Variants in ROCK2 observed in about 807,000 individuals in gnomAD.
ROCK2 encodes Rho associated coiled-coil containing protein kinase 2.
ROCK2 carries 61 observed loss-of-function variants against 195.1 expected under a neutral mutation model. The ratio of observed to expected loss-of-function variants is 0.31; its 90% CI spans 0.25 to 0.39. The LOEUF (loss-of-function observed/expected upper bound fraction) is 0.39. ROCK2 is among the 10% of genes least tolerant of loss of function. The probability of loss-of-function intolerance (pLI) is 1.00; values close to 1 mark genes in which losing one functional copy is unlikely to be tolerated. For missense variants in ROCK2, 1,109 were observed against 1,637.4 expected, an observed-to-expected ratio of 0.68 and a Z score of 5.57; for synonymous variants, 504 against 545.5, an observed-to-expected ratio of 0.92 and a Z score of 1.06.
At chr2:11,293,876 G>A (rs980599305) in intron 1 of ROCK2, among the ~76,000 whole-genome samples, 9 of 152,124 alleles carry the variant, frequency 5.9e-5, no homozygotes, top group Middle Eastern at 3.4e-3. Context: ...AAGAACGTAC[G>A]GGCCAGGCGC....
intron 4 of ROCK2, among the ~76,000 whole-genome samples, chr2:11,239,269 A>C (rs540145705): frequency 1.3e-5 from 2 of 152,344 alleles, no homozygotes; most frequent in South Asian, 4.1e-4. Flanking sequence ...TAATAAAATG[A>C]GAAGATGAAC....
chr2:11,275,692 A>G (rs1666798985), intron 3 of ROCK2, among the ~76,000 whole-genome samples: 1 of 144,008 alleles, frequency 6.9e-6, no homozygotes, highest in African/African-American at 2.6e-5. Flanking sequence ...AAAATTCAAC[A>G]ATCTTTTTTT....
intron 12 of ROCK2, among the ~76,000 whole-genome samples, 155 bp downstream of exon 12, chr2:11,216,935 G>A (rs756558681): frequency 2.0e-5 from 3 of 151,666 alleles, no homozygotes; most frequent in Non-Finnish European, 2.9e-5. Flanking sequence ...TCTTGGCCAG[G>A]CTGGTCTTGA....
At chr2:11,313,399 A>C (rs1668096436) in intron 1 of ROCK2, among the ~76,000 whole-genome samples, 1 of 151,998 alleles carries the variant, frequency 6.6e-6, no homozygotes, top group South Asian at 2.1e-4. Context: ...CATATTTAAA[A>C]TATTTTTGGG....
At chr2:11,295,223 C>T (rs1007194295) in intron 1 of ROCK2, among the ~76,000 whole-genome samples, 1 of 152,110 alleles carries the variant, frequency 6.6e-6, no homozygotes, top group Non-Finnish European at 1.5e-5. Flanking sequence ...GCAATTTACA[C>T]ACCTATTATA....
At position 11,222,242 on chromosome 2, in the gene ROCK2, C is replaced by A. The variant is rs557037836; in HGVS notation, c.1008-68G>T. On this transcript the variant is annotated intron_variant, in intron 7 of 32. Coordinates refer to ENST00000315872, the MANE Select transcript of ROCK2 (RefSeq NM_004850.5). ...AATAAAAAGATTAACTCTATGTCAA[C>A]AGTTTAACCAAAATAAAGATCTCAA... The A allele has an allele frequency of 5.4e-5, 45 of 835,038 alleles. 1 individual carries two copies. In the South Asian group the frequency reaches 7.5e-4, roughly 14 times the overall value. 51.7% of individuals were successfully genotyped at this position (835,038 alleles called of 1,614,324 possible).
chr2:11,283,707 T>C (rs1353938435), intron 3 of ROCK2, among the ~76,000 whole-genome samples: 1 of 152,168 alleles, frequency 6.6e-6, no homozygotes, highest in Non-Finnish European at 1.5e-5. Flanking sequence ...GTTAAACACC[T>C]AATCAAATAA....
intron 1 of ROCK2, among the ~76,000 whole-genome samples, chr2:11,336,038 T>G (rs1192273096): frequency 3.3e-5 from 5 of 152,164 alleles, no homozygotes; most frequent in Non-Finnish European, 5.9e-5. Context: ...AAATGTTAAT[T>G]TAAACAGTGA....
chr2:11,183,967 G>GCTTA (rs71393857), intron 32 of ROCK2, among the ~76,000 whole-genome samples: 61,505 of 151,782 alleles, frequency 0.41, 13,648 homozygotes, highest in Admixed American at 0.52. Context: ...TTTGCAACTT[G>GCTTA]CTTACTTAGA....
intron 20 of ROCK2, among the ~76,000 whole-genome samples, chr2:11,202,891 G>A (rs1663913974): frequency 6.6e-6 from 1 of 152,092 alleles, no homozygotes; most frequent in Non-Finnish European, 1.5e-5. Flanking sequence ...CAGACACTGT[G>A]ATCAGCCATT....
intron 16 of ROCK2, 110 bp from the exon 17 acceptor site, chr2:11,214,573 C>G (rs1438791396): frequency 2.8e-6 from 2 of 705,914 alleles, no homozygotes; most frequent in Non-Finnish European, 4.7e-6. Context: ...TGTTTGTGAG[C>G]AGAAGTTTTA....
intron 1 of ROCK2, among the ~76,000 whole-genome samples, chr2:11,289,254 T>TACACATAAACAACATCACACACAC (rs1558363741): frequency 1.3e-5 from 2 of 152,058 alleles, no homozygotes; most frequent in African/African-American, 4.8e-5. Flanking sequence ...CCCACACACA[T>TACACATAAACAACATCACACACAC]ACACATAAAC....
intron 3 of ROCK2, among the ~76,000 whole-genome samples, chr2:11,285,123 G>A (rs1031596816): frequency 9.2e-5 from 14 of 152,120 alleles, no homozygotes; most frequent in Admixed American, 6.5e-5. Flanking sequence ...TTGGCCAGGC[G>A]TGGTGGTGCA....
intron 1 of ROCK2, among the ~76,000 whole-genome samples, chr2:11,321,790 C>T (rs1668407395): frequency 1.3e-5 from 2 of 151,996 alleles, no homozygotes; most frequent in Admixed American, 1.3e-4. Flanking sequence ...TACAGCACTC[C>T]ACGTTAAAAA....
In ROCK2 at chr2:11,198,525, T is replaced by C. The variant is rs1430323167; in HGVS notation, c.3065A>G (p.Lys1022Arg). Residue 1022 changes from lysine to arginine, a missense_variant, in exon 25 of 33, where the codon AAG (lysine) becomes AGG (arginine). Coordinates refer to ENST00000315872, the MANE Select transcript of ROCK2 (RefSeq NM_004850.5). ...GAGTGTTCTTTCTGTTAATAGCTGC[T>C]TCTCAAACTGTGCTTTAATAGCTGC... ...SAAAIKAQFE[K>R]QLLTERTLKT... 6.2e-7 allele frequency: 1 copy of C among 1,612,810 alleles called. No individual in the cohort carries two copies. Among genetic ancestry groups the C allele is most frequent in the Non-Finnish European group, 8.5e-7 (1 of 1,179,378 alleles).
chr2:11,330,090 GAAA>G, intron 1 of ROCK2, among the ~76,000 whole-genome samples: 1 of 152,146 alleles, frequency 6.6e-6, no homozygotes, highest in Non-Finnish European at 1.5e-5. Context: ...TTTCTAACTG[GAAA>G]AATACTTCCA....
intron 32 of ROCK2, among the ~76,000 whole-genome samples, chr2:11,191,710 G>T (rs189394751): frequency 2.3e-3 from 345 of 151,982 alleles, no homozygotes; most frequent in African/African-American, 8.0e-3. Flanking sequence ...TCATCGACAG[G>T]TTCTTGGAAA....
intron 4 of ROCK2, among the ~76,000 whole-genome samples, chr2:11,238,079 C>T (rs140494806): frequency 1.0e-3 from 158 of 151,980 alleles, no homozygotes; most frequent in African/African-American, 3.3e-3. Context: ...CTTTGACTAG[C>T]GGGGAGAAAA....
chr2:11,339,412 G>A (rs1191007222), intron 1 of ROCK2, among the ~76,000 whole-genome samples: 1 of 151,418 alleles, frequency 6.6e-6, no homozygotes, highest in Non-Finnish European at 1.5e-5. Context: ...ATTATATTAA[G>A]TTGACTGAAC....
Sources: allele counts gnomAD v4.1 joint callset (sites outside exome capture counted in the v4.1 genomes callset), GRCh38; gene constraint gnomAD v4.1.1; transcripts MANE v1.5; gene names NCBI Gene and HGNC (gene_info 2026-07-23, HGNC 2026-07-21).